The following PRDM5 variants were observed in gnomAD, a reference collection of about 807,000 sequenced individuals.
PRDM5 encodes PR domain zinc finger protein 5.
Under a neutral mutation model 81.2 loss-of-function variants are expected in PRDM5, and 56 were observed. The ratio of observed to expected loss-of-function variants is 0.69; its 90% CI spans 0.56 to 0.86. The LOEUF (loss-of-function observed/expected upper bound fraction) is 0.86. Among genes scored for constraint, PRDM5 ranks in the 40% least tolerant of loss-of-function variants. The pLI is 0.00. For missense variants in PRDM5, 697 were observed against 770.1 expected (o/e 0.91, Z 1.12); for synonymous variants, 267 against 256.4 (o/e 1.04, Z -0.39).
At chr4:120,849,696 A>G (rs917172721) in intron 3 of PRDM5, among the ~76,000 whole-genome samples, 2 of 152,194 alleles carry the variant, frequency 1.3e-5, no homozygotes, top group Non-Finnish European at 2.9e-5. Context: ...TAAAATATTC[A>G]TCTTCTATCA....
intron 15 of PRDM5, among the ~76,000 whole-genome samples, chr4:120,705,201 T>C (rs1373828028): frequency 2.6e-5 from 4 of 152,228 alleles, no homozygotes; most frequent in African/African-American, 9.6e-5. Context: ...AATTAATTTC[T>C]TTATCCATTC....
chr4:120,873,487 C>A (rs1392407693), intron 2 of PRDM5, among the ~76,000 whole-genome samples: 2 of 152,196 alleles, frequency 1.3e-5, no homozygotes, highest in African/African-American at 2.4e-5. Context: ...AAGTGGCCAA[C>A]TATCCATCAG....
intron 3 of PRDM5, among the ~76,000 whole-genome samples, chr4:120,840,938 C>T (rs1264030640): frequency 6.6e-6 from 1 of 152,180 alleles, no homozygotes; most frequent in Admixed American, 6.5e-5. Context: ...TTCTCGCTCA[C>T]CCATGGCTCA....
intron 13 of PRDM5, among the ~76,000 whole-genome samples, chr4:120,774,889 T>TAC (rs72460076): frequency 8.4e-4 from 9 of 10,738 alleles, no homozygotes; most frequent in African/African-American, 3.5e-3. Context: ...TCTCTCTTTC[T>TAC]ATATATATAT....
At chr4:120,764,767 A>G (rs1445228182) in intron 13 of PRDM5, among the ~76,000 whole-genome samples, 1 of 152,220 alleles carries the variant, frequency 6.6e-6, no homozygotes, top group East Asian at 1.9e-4. Flanking sequence ...GATGCTAAGG[A>G]AATCATTTAT....
intron 11 of PRDM5, among the ~76,000 whole-genome samples, chr4:120,783,943 G>T (rs191149715): frequency 5.9e-5 from 9 of 152,182 alleles, no homozygotes; most frequent in Admixed American, 5.9e-4. Flanking sequence ...ATAACCAACT[G>T]TCAAAATTAA....
chr4:120,764,130 C>T (rs548479274), intron 13 of PRDM5, among the ~76,000 whole-genome samples: 7 of 152,078 alleles, frequency 4.6e-5, no homozygotes, highest in African/African-American at 1.7e-4. Flanking sequence ...TAGAGGTATG[C>T]TATTATCTAA....
At chr4:120,921,836 G>C (rs1011689188) in intron 1 of PRDM5, among the ~76,000 whole-genome samples, 1 of 151,940 alleles carries the variant, frequency 6.6e-6, no homozygotes, top group African/African-American at 2.4e-5. Context: ...TTTCTGGCTG[G>C]AGAGATCGAA....
At chr4:120,808,531 G>A (rs1753335018) in intron 8 of PRDM5, among the ~76,000 whole-genome samples, 1 of 152,106 alleles carries the variant, frequency 6.6e-6, no homozygotes, top group Non-Finnish European at 1.5e-5. Flanking sequence ...CCAGACTCAG[G>A]AGCCCAGCTG....
intron 3 of PRDM5, 73 bp from the exon 4 acceptor site, chr4:120,821,418 C>CA: frequency 7.2e-7 from 1 of 1,391,268 alleles, no homozygotes; most frequent in Non-Finnish European, 1.0e-6. Flanking sequence ...TTTTAAGATA[C>CA]ATTAATGGAG....
intron 1 of PRDM5, among the ~76,000 whole-genome samples, chr4:120,913,844 C>T (rs1286928780): frequency 6.6e-6 from 1 of 152,176 alleles, no homozygotes; most frequent in African/African-American, 2.4e-5. Flanking sequence ...GGTCACAGCC[C>T]ACAATCTTTC....
chr4:120,737,842 C>T (rs980642248), intron 14 of PRDM5, among the ~76,000 whole-genome samples: 17 of 152,142 alleles, frequency 1.1e-4, no homozygotes, highest in African/African-American at 4.1e-4. Context: ...TGAATGGATT[C>T]ATATATCTTA....
chr4:120,723,417 G>T (rs843573), intron 14 of PRDM5, among the ~76,000 whole-genome samples: 112,745 of 152,042 alleles, frequency 0.74, 43,660 homozygotes, highest in Non-Finnish European at 0.85. Context: ...ATTATTTAAA[G>T]TATCTAATGG....
intron 14 of PRDM5, among the ~76,000 whole-genome samples, chr4:120,713,049 T>C (rs1161592489): frequency 5.3e-5 from 8 of 152,208 alleles, no homozygotes; most frequent in African/African-American, 1.9e-4. Context: ...TAATAAACCA[T>C]TTTATACTCC....
chr4:120,859,050 A>G (rs564834732), intron 2 of PRDM5, among the ~76,000 whole-genome samples: 2 of 152,172 alleles, frequency 1.3e-5, no homozygotes, highest in Non-Finnish European at 2.9e-5. Flanking sequence ...GAGAGCATCA[A>G]ATGAAATAAA....
intron 14 of PRDM5, among the ~76,000 whole-genome samples, chr4:120,740,582 T>A (rs1741777333): frequency 6.6e-6 from 1 of 152,076 alleles, no homozygotes; most frequent in Non-Finnish European, 1.5e-5. Flanking sequence ...CTATACTGAG[T>A]ATGTCTAAAC....
At chr4:120,817,008 TA>T in intron 5 of PRDM5, 84 bp from the exon 6 acceptor site, 1 of 1,117,132 alleles carries the variant, frequency 9.0e-7, no homozygotes, top group Admixed American at 1.8e-5. Flanking sequence ...TAACTCTGAA[TA>T]AAGTCATGTT....
At chr4:120,718,202 C>T (rs1738077389) in intron 14 of PRDM5, among the ~76,000 whole-genome samples, 1 of 152,114 alleles carries the variant, frequency 6.6e-6, no homozygotes, top group Admixed American at 6.6e-5. Context: ...AGTGTATGCA[C>T]TTAATGAAAT....
At chr4:120,752,407 C>T (rs943558283) in intron 14 of PRDM5, among the ~76,000 whole-genome samples, 7 of 152,150 alleles carry the variant, frequency 4.6e-5, no homozygotes, top group Admixed American at 6.5e-5. Flanking sequence ...GTGGGGGATC[C>T]TGCCTAAAAT....
Sources: gnomAD v4.1 joint callset for allele counts (sites outside exome capture counted in the v4.1 genomes callset) on GRCh38, gnomAD v4.1.1 for gene constraint, MANE v1.5 for transcripts, NCBI Gene and HGNC (gene_info 2026-07-23, HGNC 2026-07-21) for gene names.